The following MMP20 variants were observed in gnomAD, a reference collection of about 807,000 sequenced individuals.
MMP20 encodes the protein matrix metalloproteinase-20.
Under a neutral mutation model 51.8 loss-of-function variants are expected in MMP20, and 50 were observed. The ratio of observed to expected loss-of-function variants is 0.97; its 90% confidence interval spans 0.77 to 1.22. The LOEUF is 1.22. Among genes scored for constraint, MMP20 ranks in the 50% most tolerant of loss-of-function variants. MMP20 has a pLI of 0.00. For missense variants in MMP20, 663 were observed against 601.4 expected (o/e 1.10, Z -1.07); for synonymous variants, 244 against 216.2 (o/e 1.13, Z -1.13).
At chr11:102,609,178 A>G in intron 4 of MMP20, 80 bp from the exon 5 acceptor site, 2 of 1,269,858 alleles carry the variant, frequency 1.6e-6, no homozygotes, top group East Asian at 2.4e-5. Context: ...AGTATAATTT[A>G]TGCCCACATT....
Position 102,594,701 on chromosome 11 carries a change from G to A in MMP20, c.1010C>T (p.Thr337Ile), listed in dbSNP as rs1859359175. 1 of 1,610,394 alleles carries A rather than the reference G, an allele frequency of 6.2e-7. No individual in the cohort carries two copies. ...GGACATGAGCTGGGGGAAGGAGCTG[G>A]TAATAGTGCTGGGCCGAATTCCTGT... ...LRTGIRPSTITSSFPQLMSNV... is the reference protein window; with the variant it reads ...LRTGIRPSTIISSFPQLMSNV... The change falls in exon 7 of 10, where the codon ACC becomes ATC. Residue 337 changes from threonine (T) to isoleucine (I), a missense_variant. Coordinates refer to ENST00000260228, the MANE Select transcript of MMP20 (RefSeq NM_004771.4).
rs17093627 is a variant in MMP20 at position 102,612,424 on chromosome 11, G to A, written c.375-521C>T. 6.8e-3 allele frequency among the ~76,000 whole-genome samples: 1,029 copies of A among 152,220 alleles called. 17 individuals are homozygous for A. The highest frequency in any genetic ancestry group is 0.024 in the African/African-American group (978 of 41,550). On this transcript the variant is annotated intron_variant, in intron 2 of 9. Transcript: ENST00000260228. The stretch of plus-strand genomic sequence containing the variant: ...AGGTTGCAGTGAGCCAAGATCGGGC[G>A]ACTGCACTCCAGCCTGGGTGACACA...
At chr11:102,604,979 T>C (rs1338198540) in intron 6 of MMP20, among the ~76,000 whole-genome samples, 4 of 152,236 alleles carry the variant, frequency 2.6e-5, no homozygotes, top group Admixed American at 6.5e-5. Context: ...CTCTGTGTTA[T>C]GTGCCCTCCA....
intron 8 of MMP20, among the ~76,000 whole-genome samples, chr11:102,581,508 A>G (rs1185468123): frequency 6.6e-6 from 1 of 152,184 alleles, no homozygotes; most frequent in African/African-American, 2.4e-5. Context: ...TTTTACTGAG[A>G]GAGTAACAGA....
chr11:102,619,660 T>A (rs1475463625), intron 1 of MMP20, among the ~76,000 whole-genome samples: 1 of 152,220 alleles, frequency 6.6e-6, no homozygotes, highest in African/African-American at 2.4e-5. Flanking sequence ...TGTCTCACAC[T>A]AATCCTGGCC....
At chr11:102,599,141 T>G (rs561437489) in intron 6 of MMP20, among the ~76,000 whole-genome samples, 15 of 152,048 alleles carry the variant, frequency 9.9e-5, no homozygotes, top group African/African-American at 3.6e-4. Context: ...GCCTCCCAAG[T>G]AGCAGGGACT....
At chr11:102,616,724 G>A (rs561206900) in intron 2 of MMP20, 88 bp downstream of exon 2, 840 of 1,541,482 alleles carry the variant, frequency 5.4e-4, no homozygotes, top group Non-Finnish European at 4.8e-4. Context: ...ATTTTTATAC[G>A]GATGAGAAGG....
intron 3 of MMP20, among the ~76,000 whole-genome samples, chr11:102,610,508 T>G (rs574042165): frequency 6.6e-6 from 1 of 152,206 alleles, no homozygotes; most frequent in Non-Finnish European, 1.5e-5. Flanking sequence ...TCTGTTTCTA[T>G]AGCACAATAC....
intron 1 of MMP20, among the ~76,000 whole-genome samples, chr11:102,620,825 T>A (rs1321484764): frequency 6.6e-6 from 1 of 152,166 alleles, no homozygotes; most frequent in Non-Finnish European, 1.5e-5. Flanking sequence ...TCATTCTCAG[T>A]GTCAGGTTCC....
chr11:102,612,977 T>C (rs1196812271), intron 2 of MMP20, among the ~76,000 whole-genome samples: 1 of 152,118 alleles, frequency 6.6e-6, no homozygotes, highest in Non-Finnish European at 1.5e-5. Flanking sequence ...CCTCAGGTGA[T>C]CCGCCCTCCT....
intron 2 of MMP20, among the ~76,000 whole-genome samples, chr11:102,615,908 C>T (rs1859663774): frequency 6.6e-6 from 1 of 152,106 alleles, no homozygotes; most frequent in African/African-American, 2.4e-5. Flanking sequence ...CACCATCCAC[C>T]CCTACCTCAG....
intron 1 of MMP20, among the ~76,000 whole-genome samples, chr11:102,622,878 A>C (rs1231974572): frequency 6.6e-6 from 1 of 152,132 alleles, no homozygotes; most frequent in Non-Finnish European, 1.5e-5. Flanking sequence ...TTGTTATATA[A>C]TGTTTCTATA....
At chr11:102,590,129 C>T (rs1031725017) in intron 8 of MMP20, among the ~76,000 whole-genome samples, 4 of 152,082 alleles carry the variant, frequency 2.6e-5, no homozygotes, top group African/African-American at 9.7e-5. Flanking sequence ...CCCCCTGCTG[C>T]CAGAAATCCC....
chr11:102,579,404 C>T (rs11225331), intron 8 of MMP20, among the ~76,000 whole-genome samples: 198 of 152,050 alleles, frequency 1.3e-3, no homozygotes, highest in African/African-American at 4.6e-3. Context: ...CCTTGACCTT[C>T]CAGGCTCAAG....
chr11:102,603,381 G>A (rs561980773), intron 6 of MMP20, among the ~76,000 whole-genome samples: 8 of 152,320 alleles, frequency 5.3e-5, no homozygotes, highest in African/African-American at 9.6e-5. Flanking sequence ...AGAGTCATGG[G>A]ATTCCAGCTC....
intron 8 of MMP20, among the ~76,000 whole-genome samples, chr11:102,592,437 A>G (rs183419274): frequency 6.6e-6 from 1 of 152,332 alleles, no homozygotes; most frequent in Non-Finnish European, 1.5e-5. Context: ...TATGAAATAT[A>G]TTTATGTGCC....
At chr11:102,587,916 G>C (rs1469047738) in intron 8 of MMP20, among the ~76,000 whole-genome samples, 2 of 152,088 alleles carry the variant, frequency 1.3e-5, no homozygotes, top group Non-Finnish European at 1.5e-5. Flanking sequence ...TTTGCCATTT[G>C]ATTAGACGGT....
intron 6 of MMP20, among the ~76,000 whole-genome samples, chr11:102,599,350 C>T (rs1565393943): frequency 6.6e-6 from 1 of 152,154 alleles, no homozygotes; most frequent in Non-Finnish European, 1.5e-5. Flanking sequence ...TTAATTACTG[C>T]TCACTCCCCT....
In MMP20 at chr11:102,616,883, T is replaced by C; in HGVS notation, c.303A>G (p.Gly101=). The C allele has an allele frequency of 2.5e-6, 4 of 1,614,210 alleles. No individual in the cohort carries two copies. The highest frequency in any genetic ancestry group is 3.4e-6 in the Non-Finnish European group (4 of 1,180,038). ...GGCGATAATTGGCCACATCAGGAAC[T>C]CCACAGCGAGGCTTCTTGATCACGT... is the stretch of plus-strand genomic sequence containing the variant. ...TMNVIKKPRC[G]VPDVANYRLF... The change falls in exon 2 of 10, where the codon GGA becomes GGG. Residue 101 remains glycine (G), a synonymous_variant. Coordinates refer to ENST00000260228, the MANE Select transcript of MMP20 (RefSeq NM_004771.4).
Sources: gnomAD v4.1 joint callset for allele counts (sites outside exome capture counted in the v4.1 genomes callset) on GRCh38, gnomAD v4.1.1 for gene constraint, MANE v1.5 for transcripts, NCBI Gene and HGNC (gene_info 2026-07-23, HGNC 2026-07-21) for gene names.